Variants in RGS9 observed in about 807,000 individuals in gnomAD.
RGS9 encodes regulator of G-protein signalling 9.
In RGS9, 78 loss-of-function variants were observed where a neutral mutation model predicts 102.0. The ratio of observed to expected loss-of-function variants is 0.76; its 90% CI spans 0.64 to 0.92. RGS9 has a LOEUF of 0.92. Ranked by LOEUF, RGS9 falls within the 40% of genes least tolerant of loss-of-function variation. The pLI, the probability that RGS9 is intolerant of heterozygous loss-of-function variation, is 0.00. For missense variants in RGS9, 833 were observed against 866.1 expected (o/e 0.96, Z 0.48); for synonymous variants, 353 against 318.6 (o/e 1.11, Z -1.15).
intron 1 of RGS9, among the ~76,000 whole-genome samples, chr17:65,148,914 A>T (rs927819044): frequency 5.9e-5 from 9 of 152,070 alleles, no homozygotes; most frequent in African/African-American, 2.2e-4. Flanking sequence ...GCTTAATCTC[A>T]TTTAGTCTTT....
chr17:65,199,118 G>T (rs963200104), intron 13 of RGS9, among the ~76,000 whole-genome samples: 3 of 152,110 alleles, frequency 2.0e-5, no homozygotes, highest in Middle Eastern at 3.2e-3. Flanking sequence ...TCATCAATTT[G>T]CTCATTTACT....
chr17:65,212,812 T>C (rs1366256400), intron 17 of RGS9, among the ~76,000 whole-genome samples: 1 of 152,202 alleles, frequency 6.6e-6, no homozygotes, highest in Non-Finnish European at 1.5e-5. Flanking sequence ...CTTGGAGTCT[T>C]CCCACTCTGG....
In RGS9 at chr17:65,206,706, A is replaced by C. The variant is rs1379015358; in HGVS notation, c.1204-1216A>C. ...AACAAACAAACAAACAAACAAAAAA[A>C]CCTGTAGTTTTCATACGGCTTTTTA... is the stretch of plus-strand genomic sequence containing the variant. On this transcript the variant is annotated intron_variant, in intron 15 of 18. Coordinates refer to ENST00000262406, the MANE Select transcript of RGS9 (RefSeq NM_003835.4). 5.3e-5 allele frequency among the ~76,000 whole-genome samples: 8 copies of C among 152,260 alleles called. No homozygotes were observed. In the East Asian group the frequency reaches 1.5e-3, roughly 29 times the overall value.
chr17:65,155,447 T>C (rs566282852), intron 2 of RGS9, among the ~76,000 whole-genome samples: 6 of 152,366 alleles, frequency 3.9e-5, no homozygotes, highest in Non-Finnish European at 8.8e-5. Context: ...TCTGTCCTTG[T>C]GTGGAGAGTG....
At chr17:65,196,553 G>A (rs923848830) in intron 12 of RGS9, among the ~76,000 whole-genome samples, 1 of 152,240 alleles carries the variant, frequency 6.6e-6, no homozygotes, top group Non-Finnish European at 1.5e-5. Flanking sequence ...AGTGGGACCT[G>A]CATCTTAGAG....
chr17:65,163,861 C>G (rs1457987998), intron 7 of RGS9, among the ~76,000 whole-genome samples: 1 of 152,136 alleles, frequency 6.6e-6, no homozygotes, highest in Non-Finnish European at 1.5e-5. Flanking sequence ...AAGATGTGAA[C>G]TAGAGATGTT....
At chr17:65,216,411 G>A (rs148626119) in intron 17 of RGS9, among the ~76,000 whole-genome samples, 1,733 of 152,276 alleles carry the variant, frequency 0.011, 33 homozygotes, top group African/African-American at 0.04. Context: ...AGGCGGAGGC[G>A]GGCTGGTCAT....
intron 17 of RGS9, among the ~76,000 whole-genome samples, chr17:65,215,426 C>A (rs917412543): frequency 6.6e-6 from 1 of 152,062 alleles, no homozygotes; most frequent in Non-Finnish European, 1.5e-5. Flanking sequence ...AATGTGTACA[C>A]CATTCATGTA....
At chr17:65,165,552 G>T (rs985795978) in intron 7 of RGS9, among the ~76,000 whole-genome samples, 1 of 152,058 alleles carries the variant, frequency 6.6e-6, no homozygotes, top group Non-Finnish European at 1.5e-5. Context: ...ATCTCATGTT[G>T]CTGTCAAACC....
chr17:65,164,215 G>C (rs1020492379), intron 7 of RGS9, among the ~76,000 whole-genome samples: 9 of 152,084 alleles, frequency 5.9e-5, no homozygotes, highest in Non-Finnish European at 1.3e-4. Context: ...GGGCAGCTGG[G>C]GCCCTGACAT....
intron 17 of RGS9, among the ~76,000 whole-genome samples, chr17:65,213,347 C>T (rs9914824): frequency 1 from 152,364 of 152,368 alleles, 76,180 homozygotes; most frequent in Middle Eastern, 1. Flanking sequence ...AGGCTCAGGC[C>T]CTGCCCTCCA....
rs572236620 is a variant in RGS9 at position 65,169,592 on chromosome 17, G to A, written c.582+1311G>A. 2.2e-4 allele frequency among the ~76,000 whole-genome samples: 33 copies of A among 152,322 alleles called. No homozygotes were observed. In the South Asian group the frequency reaches 6.6e-3, roughly 31 times the overall value. ...CCATACCTGAGGGTAGGTAAAGAAC[G>A]GCTTCTATATTATGTGCAGAGACTC... On this transcript the variant is annotated intron_variant, in intron 8 of 18. Transcript: ENST00000262406.
intron 2 of RGS9, among the ~76,000 whole-genome samples, chr17:65,153,749 G>T (rs531302126): frequency 6.6e-6 from 1 of 152,100 alleles, no homozygotes; most frequent in Non-Finnish European, 1.5e-5. Flanking sequence ...AATTAGCTGG[G>T]CATGGTGGCA....
At chr17:65,153,889 C>CAAACAAAACA (rs372993920) in intron 2 of RGS9, among the ~76,000 whole-genome samples, 1 of 151,288 alleles carries the variant, frequency 6.6e-6, no homozygotes, top group Non-Finnish European at 1.5e-5. Flanking sequence ...GACTCCGTCT[C>CAAACAAAACA]AAACAAAACA....
intron 17 of RGS9, among the ~76,000 whole-genome samples, chr17:65,220,772 C>T (rs1411097335): frequency 2.0e-5 from 3 of 152,238 alleles, no homozygotes; most frequent in Non-Finnish European, 4.4e-5. Context: ...CCTGCTTTGC[C>T]ATTCATTAAA....
chr17:65,210,241 C>T (rs962727688), intron 16 of RGS9, among the ~76,000 whole-genome samples: 7 of 152,206 alleles, frequency 4.6e-5, no homozygotes, highest in East Asian at 1.9e-4. Context: ...AATGCAACTT[C>T]GCCAACAAAA....
rs1305534913 is a variant in RGS9 at position 65,195,948 on chromosome 17, GAATC to G, written c.861-1176_861-1173del. On this transcript the variant is annotated intron_variant, in intron 12 of 18. Transcript: ENST00000262406. ...TTCTTGGGCCCCACCCACTCCTACT[GAATC>G]AGAAACTCTGAGGTTGGGACCCAGC... Among the ~76,000 whole-genome samples the G allele has an allele frequency of 2.0e-5, 3 of 152,332 alleles. No individual in the cohort carries two copies. In the East Asian group the frequency reaches 5.8e-4, roughly 29 times the overall value.
chr17:65,165,445 G>A (rs1375395024), intron 7 of RGS9, among the ~76,000 whole-genome samples: 1 of 151,994 alleles, frequency 6.6e-6, no homozygotes, highest in Non-Finnish European at 1.5e-5. Context: ...AGCACAAAAC[G>A]TGGTTGACCA....
chr17:65,142,126 C>T (rs1910180917), intron 1 of RGS9, among the ~76,000 whole-genome samples: 1 of 152,184 alleles, frequency 6.6e-6, no homozygotes, highest in South Asian at 2.1e-4. Flanking sequence ...CGCCTGTAAT[C>T]CTAGCTACTT....
Sources: allele counts gnomAD v4.1 joint callset (sites outside exome capture counted in the v4.1 genomes callset), GRCh38; gene constraint gnomAD v4.1.1; transcripts MANE v1.5; gene names NCBI Gene and HGNC (gene_info 2026-07-23, HGNC 2026-07-21).